UBAP2: variants seen among roughly 807,000 people sequenced by gnomAD.
The protein encoded by UBAP2 is ubiquitin associated protein 2.
Under a neutral mutation model 139.6 loss-of-function variants are expected in UBAP2, and 75 were observed. The ratio of observed to expected loss-of-function variants is 0.54; its 90% confidence interval spans 0.45 to 0.65. The LOEUF is 0.65. UBAP2 is among the 30% of genes least tolerant of loss of function. UBAP2 has a pLI of 0.00. For missense variants in UBAP2, 1,368 were observed against 1,369.6 expected, an observed-to-expected ratio of 1.00 and a Z score of 0.02; for synonymous variants, 526 against 526.2, an observed-to-expected ratio of 1.00 and a Z score of 0.01.
chr9:34,016,289 AGG>A lies in UBAP2; in HGVS notation c.99+759_99+760del, dbSNP rs1324887853. On this transcript the variant is annotated intron_variant, in intron 2 of 28. Transcript: ENST00000379238. ...GAGGAAGAGAAGGAGGAAGAGGAGG[AGG>A]AGGAAGAGGAGGAAGAGGAGGAAGA... Among the ~76,000 whole-genome samples, 90 of 19,420 alleles carry A rather than the reference AGG, an allele frequency of 4.6e-3. 3 individuals are homozygous for A. The highest frequency in any genetic ancestry group is 6.3e-3 in the Non-Finnish European group (57 of 9,040). 12.7% of individuals were successfully genotyped at this position (19,420 alleles called of 152,430 possible). A position where few individuals can be genotyped will look rare whatever the true frequency, so the allele number is the denominator to read the frequency against.
At chr9:33,993,474 G>A (rs1230058115) in intron 4 of UBAP2, among the ~76,000 whole-genome samples, 3 of 152,192 alleles carry the variant, frequency 2.0e-5, no homozygotes, top group Admixed American at 2.0e-4. Context: ...TCCAGCCTGA[G>A]CAACATAGAA....
intron 22 of UBAP2, 78 bp downstream of exon 22, chr9:33,926,539 T>G: frequency 6.6e-7 from 1 of 1,513,554 alleles, no homozygotes; most frequent in Non-Finnish European, 9.2e-7. Context: ...CCAGAGAGTG[T>G]GGCAGCCAAG....
chr9:34,028,190 A>G (rs1825575013), intron 1 of UBAP2, among the ~76,000 whole-genome samples: 1 of 152,012 alleles, frequency 6.6e-6, no homozygotes, highest in Non-Finnish European at 1.5e-5. Flanking sequence ...TAACCTGCCC[A>G]TGGAAAGGAT....
In UBAP2 at chr9:33,927,077, T is replaced by C. The variant is rs552208881; in HGVS notation, c.2375A>G (p.Lys792Arg). 607 of 1,610,860 alleles carry C rather than the reference T, an allele frequency of 3.8e-4. 7 individuals are homozygous for C. The South Asian group carries it at 6.2e-3, about 16-fold the overall frequency. Residue 792 changes from lysine (K) to arginine (R), a missense_variant, in exon 21 of 29, where the codon AAA becomes AGA. Transcript: ENST00000379238. ...CCCCTGAGGTAAGTTTGGGGGTGCT[T>C]TGCCTGTATAGAGGGAAAAATCAAA... Reference protein sequence around the residue: ...SRAAPLVTSGKAPPNLPQGVP... With the variant: ...SRAAPLVTSGRAPPNLPQGVP...
chr9:34,009,307 C>CA (rs1823535093), intron 2 of UBAP2, among the ~76,000 whole-genome samples: 1 of 152,060 alleles, frequency 6.6e-6, no homozygotes, highest in Non-Finnish European at 1.5e-5. Context: ...TAATGTTGGC[C>CA]AGGCTGGTCT....
chr9:34,031,623 A>C (rs1046279846), intron 1 of UBAP2, among the ~76,000 whole-genome samples: 5 of 151,838 alleles, frequency 3.3e-5, no homozygotes, highest in Admixed American at 2.6e-4. Flanking sequence ...TGCTTTCCTA[A>C]GTAAATTCAA....
chr9:34,014,773 CAAA>C (rs11465085), intron 2 of UBAP2, among the ~76,000 whole-genome samples: 7 of 126,208 alleles, frequency 5.5e-5, no homozygotes, highest in East Asian at 2.3e-4. Context: ...GACTCCGTCT[CAAA>C]AAAAAAAAAA....
In UBAP2 at chr9:33,941,788, G is replaced by C; in HGVS notation, c.1790C>G (p.Ser597Cys). The C allele has an allele frequency of 6.2e-7, 1 of 1,614,116 alleles. No individual in the cohort carries two copies. Among genetic ancestry groups the C allele is most frequent in the Non-Finnish European group, 8.5e-7 (1 of 1,180,002 alleles). ...NSTYTTSVIT[S>C]CSLTSSSLNS... The stretch of plus-strand genomic sequence containing the variant: ...CAGTGATGAGCTTGTCAGACTGCAG[G>C]AGGTAATGACGGAAGTTGTATATGT... Residue 597 changes from serine (S) to cysteine (C), a missense_variant, in exon 16 of 29, where the codon TCC becomes TGC. By Grantham distance (112) the Ser-to-Cys change is moderately radical. Transcript: ENST00000379238.
Position 33,987,113 on chromosome 9 carries a change from A to G in UBAP2, c.443-276T>C, listed in dbSNP as rs575988115. ...TTGAGACCAGCCTGGGCAACATACA[A>G]AAAAATACAAAAATTGGCCAGGCAC... On this transcript the variant is annotated intron_variant, in intron 5 of 28. Coordinates refer to ENST00000379238, the MANE Select transcript of UBAP2 (RefSeq NM_001370062.2). Among the ~76,000 whole-genome samples, 26 of 151,982 alleles carry G rather than the reference A, an allele frequency of 1.7e-4. 1 individual carries two copies. Among genetic ancestry groups the G allele is most frequent in the African/African-American group, 6.0e-4 (25 of 41,470 alleles).
At chr9:33,977,940 G>A (rs1311676698) in intron 6 of UBAP2, among the ~76,000 whole-genome samples, 6 of 149,900 alleles carry the variant, frequency 4.0e-5, no homozygotes, top group East Asian at 4.0e-4. Flanking sequence ...CCTTGAACCC[G>A]GGAGGCAGAG....
At chr9:34,034,665 G>A (rs927634421) in intron 1 of UBAP2, among the ~76,000 whole-genome samples, 5 of 152,134 alleles carry the variant, frequency 3.3e-5, no homozygotes, top group African/African-American at 1.2e-4. Flanking sequence ...AGGAGGTCAG[G>A]AGATCAAGAC....
intron 5 of UBAP2, among the ~76,000 whole-genome samples, chr9:33,988,526 A>C (rs1352232006): frequency 6.6e-6 from 1 of 152,206 alleles, no homozygotes; most frequent in Non-Finnish European, 1.5e-5. Flanking sequence ...CTATACCATG[A>C]GTGTCTATAA....
chr9:33,925,150 C>T (rs1823313213), intron 22 of UBAP2, among the ~76,000 whole-genome samples: 1 of 152,158 alleles, frequency 6.6e-6, no homozygotes, highest in African/African-American at 2.4e-5. Flanking sequence ...CTGGACACAC[C>T]TGGCCCCTGA....
chr9:33,949,640 T>C (rs1000315834), intron 12 of UBAP2, among the ~76,000 whole-genome samples: 1 of 151,944 alleles, frequency 6.6e-6, no homozygotes, highest in South Asian at 2.1e-4. Context: ...GAAGTGGAGG[T>C]TGCAGTAAGG....
Position 33,922,299 on chromosome 9 carries a change from T to C in UBAP2, c.*205A>G, listed in dbSNP as rs1339803801. The C allele has an allele frequency of 6.9e-6, 4 of 577,608 alleles. No homozygotes were observed. The highest frequency in any genetic ancestry group is 3.1e-5 in the East Asian group (1 of 32,488). 35.8% of individuals were successfully genotyped at this position (577,608 alleles called of 1,614,324 possible). A position where few individuals can be genotyped will look rare whatever the true frequency, so the allele number is the denominator to read the frequency against. On this transcript the variant is annotated 3_prime_UTR_variant, in exon 29 of 29. Coordinates refer to ENST00000379238, the MANE Select transcript of UBAP2 (RefSeq NM_001370062.2). ...CTAACATCTGCCGCCATCCCCCAAC[T>C]CCCCCCCAGACTTCTATCACATTTA... is the stretch of plus-strand genomic sequence containing the variant.
At chr9:33,955,938 C>A in intron 11 of UBAP2, 141 bp downstream of exon 11, 1 of 592,756 alleles carries the variant, frequency 1.7e-6, no homozygotes, top group South Asian at 2.6e-5. Context: ...TCAGATTTAC[C>A]AAGTAGTGGT....
rs1564064561 is a variant in UBAP2 at position 34,016,412 on chromosome 9, T to TGGTGGC, written c.99+637_99+638insGCCACC. Among the ~76,000 whole-genome samples the TGGTGGC allele has an allele frequency of 2.7e-5, 4 of 147,808 alleles. No individual in the cohort carries two copies. In the East Asian group the frequency reaches 6.0e-4, roughly 22 times the overall value. On this transcript the variant is annotated intron_variant, in intron 2 of 28. Transcript: ENST00000379238. Reference sequence around the variant, plus strand: ...GTGGTGGTGGTGGTGGTGGTGGTGGTGGCAGTGGCAGCCTAATAGCTAAGA... The same window carrying TGGTGGC: ...GTGGTGGTGGTGGTGGTGGTGGTGGTGGTGGCGGCAGTGGCAGCCTAATAGCTAAGA...
At chr9:34,044,218 G>A (rs1166818561) in intron 1 of UBAP2, among the ~76,000 whole-genome samples, 2 of 151,776 alleles carry the variant, frequency 1.3e-5, no homozygotes, top group Non-Finnish European at 2.9e-5. Flanking sequence ...TGGCTAACAC[G>A]GTGAAACCTT....
In UBAP2 at chr9:34,041,185, G is replaced by A. The variant is rs537408977; in HGVS notation, c.-42+7640C>T. Among the ~76,000 whole-genome samples the A allele has an allele frequency of 3.9e-5, 6 of 152,072 alleles. No individual in the cohort carries two copies. In the South Asian group the frequency reaches 1.2e-3, roughly 32 times the overall value. ...AGAAATCAACGGGCCGGGCACGATGGCTAACACCTGTAATCCCGGCACTTT... is the reference window on the plus strand; with the variant it reads ...AGAAATCAACGGGCCGGGCACGATGACTAACACCTGTAATCCCGGCACTTT... On this transcript the variant is annotated intron_variant, in intron 1 of 28. Transcript: ENST00000379238.
Sources: allele counts gnomAD v4.1 joint callset (sites outside exome capture counted in the v4.1 genomes callset), GRCh38; gene constraint gnomAD v4.1.1; transcripts MANE v1.5; gene names NCBI Gene and HGNC (gene_info 2026-07-23, HGNC 2026-07-21).